Variants in BTG4 observed in about 807,000 individuals in gnomAD.
BTG4 encodes the protein BTG anti-proliferation factor 4.
Under a neutral mutation model 19.3 loss-of-function variants are expected in BTG4, and 10 were observed. The observed-to-expected ratio is 0.52, with a 90% CI of 0.32 to 0.88. The LOEUF is 0.88. Ranked by LOEUF, BTG4 falls within the 40% of genes least tolerant of loss-of-function variation. The probability of loss-of-function intolerance (pLI) is 0.04; values close to 1 mark genes in which losing one functional copy is unlikely to be tolerated. For missense variants in BTG4, 238 were observed against 281.9 expected (o/e 0.84, Z 1.11); for synonymous variants, 91 against 95.7 (o/e 0.95, Z 0.29).
At chr11:111,408,176 G>C in the BTG4 span, among the ~76,000 whole-genome samples, 51,495 of 152,118 alleles carry the variant, frequency 0.34, 9,264 homozygotes, top group Admixed American at 0.44. Context: ...TGGTTGTGCT[G>C]AGTCACTGGA....
At chr11:111,513,695 T>G (rs542091739), upstream of BTG4, among the ~76,000 whole-genome samples, 2 of 152,288 alleles carry the variant, frequency 1.3e-5, no homozygotes, top group South Asian at 4.1e-4. Context: ...TTTGTTTTGT[T>G]TTTTTTTCAA....
chr11:111,392,209 G>A, the BTG4 span, among the ~76,000 whole-genome samples: 2 of 98,764 alleles, frequency 2.0e-5, no homozygotes, highest in Non-Finnish European at 3.6e-5. Flanking sequence ...ACGGAGTCTT[G>A]CTCTGTCACC....
chr11:111,426,934 C>T, the BTG4 span, among the ~76,000 whole-genome samples: 1 of 152,202 alleles, frequency 6.6e-6, no homozygotes, highest in African/African-American at 2.4e-5. Context: ...GAACATTTCT[C>T]AGTCTTTGCA....
Position 111,498,753 on chromosome 11 carries a change from T to C in BTG4, c.24A>G (p.Thr8=). ...TCACCAATCTTGTGACAAAGAAAAC[T>C]GTTGTTGCAATTTCATCTCTCATGA... MRDEIAT[T]VFFVTRLVKK... The change falls in exon 2 of 5, where the codon ACA becomes ACG. Residue 8 remains threonine (T), a synonymous_variant. Coordinates refer to ENST00000692032, the MANE Select transcript of BTG4 (RefSeq NM_001367975.1). The C allele has an allele frequency of 6.2e-7, 1 of 1,611,748 alleles. No individual in the cohort carries two copies. The highest frequency in any genetic ancestry group is 8.5e-7 in the Non-Finnish European group (1 of 1,179,248).
rs372553775 is a variant in BTG4, at chr11:111,498,820, A to G, written c.-26-18T>C. 4 of 1,500,638 alleles carry G rather than the reference A, an allele frequency of 2.7e-6. No homozygotes were observed. The highest frequency in any genetic ancestry group is 2.7e-6 in the Non-Finnish European group (3 of 1,106,434). 93.0% of individuals were successfully genotyped at this position (1,500,638 alleles called of 1,614,324 possible). On this transcript the variant is annotated intron_variant, in intron 1 of 4. Transcript: ENST00000692032. ...AAGGAGGTCTGAATCATTAAAAGGA[A>G]GCAAGAAGAAATAGAAAGAAATGGT...
chr11:111,461,473 G>A, the BTG4 span, among the ~76,000 whole-genome samples: 4 of 152,170 alleles, frequency 2.6e-5, no homozygotes, highest in Non-Finnish European at 5.9e-5. Context: ...CTAAAACCAC[G>A]TTGTTGGAAG....
At chr11:111,392,060 G>A in the BTG4 span, among the ~76,000 whole-genome samples, 1 of 151,656 alleles carries the variant, frequency 6.6e-6, no homozygotes, top group African/African-American at 2.4e-5. Flanking sequence ...TTTTTAAAAT[G>A]AGGAAATAGG....
At chr11:111,498,857 T>C in intron 1 of BTG4, 55 bp from the exon 2 acceptor site, 10 of 1,279,278 alleles carry the variant, frequency 7.8e-6, no homozygotes, top group Non-Finnish European at 1.1e-5. Flanking sequence ...TAACTTATTA[T>C]CAATATTTAA....
chr11:111,401,421 G>T, the BTG4 span, among the ~76,000 whole-genome samples: 2 of 151,572 alleles, frequency 1.3e-5, no homozygotes, highest in Admixed American at 1.3e-4. Flanking sequence ...GACAGAGCTT[G>T]CAGTGAGCCG....
chr11:111,445,403 C>T, the BTG4 span, among the ~76,000 whole-genome samples: 1 of 152,266 alleles, frequency 6.6e-6, no homozygotes, highest in East Asian at 1.9e-4. Context: ...CAACAGGGTC[C>T]GGGGATCCTC....
At chr11:111,489,993 C>T (rs142034708), downstream of BTG4, among the ~76,000 whole-genome samples, 33 of 151,788 alleles carry the variant, frequency 2.2e-4, no homozygotes, top group African/African-American at 6.5e-4. Flanking sequence ...TGAAAGTGGC[C>T]GGGTGCAGTG....
chr11:111,458,856 C>G, the BTG4 span, among the ~76,000 whole-genome samples: 2 of 152,112 alleles, frequency 1.3e-5, no homozygotes, highest in African/African-American at 4.8e-5. Context: ...GAAGACCTGC[C>G]CCACAATTTA....
Position 111,483,421 on chromosome 11 carries a change from T to C in BTG4, c.662+11742A>G, listed in dbSNP as rs1052436303. On this transcript the variant is annotated intron_variant, in intron 5 of 5. Transcript: ENST00000356018. ...GACCAATCCCACAGTGATGAAGATA[T>C]CATCTTTCAAACAGGGAATCAGAAT... 2.6e-5 allele frequency among the ~76,000 whole-genome samples: 4 copies of C among 152,094 alleles called. No individual in the cohort carries two copies. The South Asian group carries it at 8.3e-4, about 31-fold the overall frequency.
chr11:111,435,876 G>T, the BTG4 span, among the ~76,000 whole-genome samples: 1 of 152,236 alleles, frequency 6.6e-6, no homozygotes, highest in South Asian at 2.1e-4. Context: ...CCAGCTGTAA[G>T]TCCAAGGTTT....
At chr11:111,459,819 A>G in the BTG4 span, 1 of 152,546 alleles carries the variant, frequency 6.6e-6, no homozygotes, top group Admixed American at 6.5e-5. Flanking sequence ...GACCTCTGAG[A>G]GCTCAGGAAT....
the BTG4 span, chr11:111,384,955 T>C: frequency 6.6e-6 from 1 of 151,894 alleles, no homozygotes; most frequent in African/African-American, 2.4e-5. Flanking sequence ...AAGGAGAAAA[T>C]ATAGCTATCA....
chr11:111,497,192 G>C lies in BTG4; in HGVS notation c.510+19C>G. ...TTAGATAGAAAAAAAGTATAGAAAA[G>C]AACTGGAACACTCTTGACCTGATAA... On this transcript the variant is annotated intron_variant, in intron 4 of 4. Coordinates refer to ENST00000692032, the MANE Select transcript of BTG4 (RefSeq NM_001367975.1). 1 of 1,599,044 alleles carries C rather than the reference G, an allele frequency of 6.3e-7. No individual in the cohort carries two copies. Among genetic ancestry groups the C allele is most frequent in the Non-Finnish European group, 8.5e-7 (1 of 1,170,534 alleles).
At chr11:111,467,728 A>G (rs774453865) in intron 5 of BTG4, 2 of 739,102 alleles carry the variant, frequency 2.7e-6, no homozygotes, top group African/African-American at 1.8e-5. Context: ...CAAATTTTAT[A>G]ATTTTTTCCT....
chr11:111,464,098 G>A (rs185307101), downstream of BTG4, among the ~76,000 whole-genome samples: 41 of 152,330 alleles, frequency 2.7e-4, no homozygotes, highest in Middle Eastern at 3.4e-3. Context: ...CCAGGTTCAA[G>A]TGATTCTCCT....
Sources: allele counts gnomAD v4.1 joint callset (sites outside exome capture counted in the v4.1 genomes callset), GRCh38; gene constraint gnomAD v4.1.1; transcripts MANE v1.5; gene names NCBI Gene and HGNC (gene_info 2026-07-23, HGNC 2026-07-21).